Variants in UBE3D observed in about 807,000 individuals in gnomAD.
UBE3D encodes the protein ubiquitin protein ligase E3D, also known as E3 ubiquitin-protein ligase E3D.
Under a neutral mutation model 49.6 loss-of-function variants are expected in UBE3D, and 48 were observed. That is an observed-to-expected ratio of 0.97 (90% CI 0.77 to 1.23). The LOEUF is 1.23. Ranked by LOEUF, UBE3D falls within the 50% of genes most tolerant of loss-of-function variation. UBE3D has a pLI of 0.00. For synonymous variants in UBE3D, 189 were observed against 174.2 expected, an observed-to-expected ratio of 1.08 and a Z score of -0.67; for missense variants, 452 against 468.4, an observed-to-expected ratio of 0.96 and a Z score of 0.32.
chr6:82,906,582 G>A (rs1464305183), intron 9 of UBE3D, among the ~76,000 whole-genome samples: 1 of 152,128 alleles, frequency 6.6e-6, no homozygotes, highest in Non-Finnish European at 1.5e-5. Flanking sequence ...CATAGAATCA[G>A]CCATTTTCCC....
At chr6:82,983,155 G>GTTTTTTTTTTT (rs5877831) in intron 8 of UBE3D, among the ~76,000 whole-genome samples, 2 of 134,774 alleles carry the variant, frequency 1.5e-5, no homozygotes, top group Non-Finnish European at 3.2e-5. Flanking sequence ...CTGGCTGAAA[G>GTTTTTTTTTTT]TTTTTTTTTT....
intron 3 of UBE3D, chr6:83,049,835 A>G: frequency 2.1e-6 from 1 of 469,986 alleles, no homozygotes; most frequent in South Asian, 1.5e-5. Flanking sequence ...ATATGAGATG[A>G]ATTTATTTCT....
rs758523769 is a variant in UBE3D at position 82,893,084 on chromosome 6, T to C, written c.1150-42A>G. 3.7e-6 allele frequency: 6 copies of C among 1,610,532 alleles called. No homozygotes were observed. The East Asian group carries it at 8.9e-5, about 24-fold the overall frequency. On this transcript the variant is annotated intron_variant, in intron 9 of 9. Transcript: ENST00000369747. ...AACCCACAATGCTTTACTTCTATAA[T>C]ATGACAAAATGGCTGCATGTACATC... is the stretch of plus-strand genomic sequence containing the variant.
downstream of UBE3D, among the ~76,000 whole-genome samples, chr6:82,891,163 G>A (rs1439544073): frequency 6.6e-6 from 1 of 152,188 alleles, no homozygotes; most frequent in African/African-American, 2.4e-5. Flanking sequence ...ACCAAATCTT[G>A]TTTCTCAGGC....
chr6:82,928,002 A>G (rs1397203429), intron 9 of UBE3D, among the ~76,000 whole-genome samples: 1 of 152,066 alleles, frequency 6.6e-6, no homozygotes, highest in African/African-American at 2.4e-5. Context: ...AAGTCATAAA[A>G]TATACAATGC....
intron 9 of UBE3D, among the ~76,000 whole-genome samples, chr6:82,935,758 T>A (rs1774521746): frequency 6.6e-6 from 1 of 152,148 alleles, no homozygotes; most frequent in African/African-American, 2.4e-5. Context: ...CAGCAGGCAA[T>A]GAGTGATAGA....
intron 8 of UBE3D, among the ~76,000 whole-genome samples, chr6:82,976,866 G>C (rs531827320): frequency 6.6e-6 from 1 of 152,052 alleles, no homozygotes. Context: ...TGTAATCCCA[G>C]CACTTTGGGA....
chr6:82,898,847 A>C (rs1196623383), intron 9 of UBE3D, among the ~76,000 whole-genome samples: 1 of 152,108 alleles, frequency 6.6e-6, no homozygotes, highest in African/African-American at 2.4e-5. Context: ...TTTTTTAAAG[A>C]TATTTCTCTC....
chr6:83,053,823 C>T (rs1783632444), intron 3 of UBE3D, among the ~76,000 whole-genome samples: 1 of 152,158 alleles, frequency 6.6e-6, no homozygotes, highest in Non-Finnish European at 1.5e-5. Context: ...GAAAATGTCA[C>T]TCAGCATCGT....
chr6:82,944,694 A>G (rs1284745260), intron 9 of UBE3D, among the ~76,000 whole-genome samples: 1 of 152,228 alleles, frequency 6.6e-6, no homozygotes, highest in East Asian at 1.9e-4. Flanking sequence ...GTTTTTAGAC[A>G]GCATTTCTCG....
At chr6:82,954,968 A>T (rs758955238) in intron 9 of UBE3D, among the ~76,000 whole-genome samples, 86 of 152,214 alleles carry the variant, frequency 5.6e-4, no homozygotes, top group Non-Finnish European at 8.8e-5. Context: ...CTGGAAAAGC[A>T]TGTGTGTTTC....
chr6:83,062,559 C>A (rs1022882627), intron 1 of UBE3D, among the ~76,000 whole-genome samples: 1 of 152,112 alleles, frequency 6.6e-6, no homozygotes, highest in Non-Finnish European at 1.5e-5. Context: ...CAGTTAGGAA[C>A]AAGAACACCA....
At chr6:83,045,230 C>T (rs186323595) in intron 3 of UBE3D, among the ~76,000 whole-genome samples, 28 of 151,894 alleles carry the variant, frequency 1.8e-4, no homozygotes, top group Admixed American at 3.3e-4. Flanking sequence ...AAACCCAACA[C>T]CTATTTGGTG....
downstream of UBE3D, among the ~76,000 whole-genome samples, chr6:82,887,554 C>T (rs1046260495): frequency 6.6e-6 from 1 of 150,558 alleles, no homozygotes; most frequent in Admixed American, 6.6e-5. Flanking sequence ...ACTAAAAATA[C>T]AAAAATTAGC....
At chr6:83,020,312 T>C (rs1477098491) in intron 7 of UBE3D, among the ~76,000 whole-genome samples, 13 of 150,130 alleles carry the variant, frequency 8.7e-5, no homozygotes, top group Admixed American at 7.4e-4. Context: ...AGCAAGCAGG[T>C]TGCAGAAAAA....
intron 9 of UBE3D, among the ~76,000 whole-genome samples, chr6:82,926,006 A>T (rs1773723354): frequency 7.8e-6 from 1 of 128,098 alleles, no homozygotes; most frequent in Non-Finnish European, 1.7e-5. Context: ...AAATCTTATT[A>T]AAAAATATCC....
chr6:82,889,225 A>G (rs1770939245), downstream of UBE3D, among the ~76,000 whole-genome samples: 1 of 152,200 alleles, frequency 6.6e-6, no homozygotes, highest in African/African-American at 2.4e-5. Flanking sequence ...ATCTCAATTA[A>G]TATTTGTTAT....
chr6:83,042,064 C>T (rs1311606481), intron 4 of UBE3D, among the ~76,000 whole-genome samples: 1 of 152,136 alleles, frequency 6.6e-6, no homozygotes, highest in Non-Finnish European at 1.5e-5. Flanking sequence ...CCCCCGCCAC[C>T]ACACCCGGCT....
At chr6:83,055,064 G>C (rs894208794) in intron 2 of UBE3D, among the ~76,000 whole-genome samples, 1 of 152,146 alleles carries the variant, frequency 6.6e-6, no homozygotes, top group Non-Finnish European at 1.5e-5. Context: ...GAATGAAATG[G>C]CTCCAAAAAG....
Sources: allele counts gnomAD v4.1 joint callset (sites outside exome capture counted in the v4.1 genomes callset), GRCh38; gene constraint gnomAD v4.1.1; transcripts MANE v1.5; gene names NCBI Gene and HGNC (gene_info 2026-07-23, HGNC 2026-07-21).